The following SYNPR variants were observed in gnomAD, a reference collection of about 807,000 sequenced individuals.
The protein encoded by SYNPR is synaptoporin.
In SYNPR, 23 loss-of-function variants were observed where a neutral mutation model predicts 32.9. The observed-to-expected ratio is 0.70, with a 90% CI of 0.50 to 0.99. The LOEUF (loss-of-function observed/expected upper bound fraction) is 0.99. Among genes scored for constraint, SYNPR ranks in the 50% least tolerant of loss-of-function variants. The probability of loss-of-function intolerance (pLI) is 0.00; values close to 1 mark genes in which losing one functional copy is unlikely to be tolerated. For synonymous variants in SYNPR, 146 were observed against 135.9 expected (o/e 1.07, Z -0.52); for missense variants, 318 against 349.3 (o/e 0.91, Z 0.71).
At chr3:63,535,651 G>T (rs544196522) in intron 3 of SYNPR, among the ~76,000 whole-genome samples, 22 of 150,834 alleles carry the variant, frequency 1.5e-4, no homozygotes, top group South Asian at 8.4e-4. Context: ...AATGATTTTT[G>T]ATAAGAGTAC....
chr3:63,218,511 G>T, the SYNPR span, among the ~76,000 whole-genome samples: 573 of 152,272 alleles, frequency 3.8e-3, 3 homozygotes, highest in African/African-American at 0.013. Context: ...AGTTAGAATT[G>T]AAATCCAATC....
chr3:63,490,513 G>A (rs1329118671), intron 3 of SYNPR, among the ~76,000 whole-genome samples: 11 of 152,078 alleles, frequency 7.2e-5, no homozygotes, highest in Admixed American at 6.5e-4. Context: ...AAAGATGGTG[G>A]TGGGTTGGCC....
rs2088335227 is a variant in SYNPR at position 63,404,600 on chromosome 3, G to A, written c.85-76232G>A. The stretch of plus-strand genomic sequence containing the variant: ...CATTTCAATGAAATTTTAATTACAT[G>A]CTTTTTATTCACTACAGAGACCCCT... On this transcript the variant is annotated intron_variant, in intron 2 of 5. Coordinates refer to ENST00000478300, the MANE Select transcript of SYNPR (RefSeq NM_001130003.2). Among the ~76,000 whole-genome samples, 4 of 152,076 alleles carry A rather than the reference G, an allele frequency of 2.6e-5. No individual in the cohort carries two copies. The South Asian group carries it at 8.3e-4, about 32-fold the overall frequency.
chr3:63,510,915 C>CTGTGTGTGTGTGTGTGTGTGTG (rs755622968), intron 3 of SYNPR, among the ~76,000 whole-genome samples: 1,831 of 149,138 alleles, frequency 0.012, 30 homozygotes, highest in East Asian at 0.044. Context: ...AAAGGTACAA[C>CTGTGTGTGTGTGTGTGTGTGTG]TGTGTGTGTG....
At chr3:63,314,902 A>G (rs948642151) in intron 2 of SYNPR, among the ~76,000 whole-genome samples, 1 of 151,880 alleles carries the variant, frequency 6.6e-6, no homozygotes, top group Admixed American at 6.6e-5. Flanking sequence ...GCTTGAGTTG[A>G]TTTTTTTATA....
intron 4 of SYNPR, among the ~76,000 whole-genome samples, chr3:63,580,014 A>G (rs949918525): frequency 6.6e-6 from 1 of 152,176 alleles, no homozygotes; most frequent in African/African-American, 2.4e-5. Flanking sequence ...TAGCCATTAT[A>G]TGACCCAATT....
At chr3:63,240,648 T>C (rs1398220183) in intron 1 of SYNPR, among the ~76,000 whole-genome samples, 1 of 152,154 alleles carries the variant, frequency 6.6e-6, no homozygotes, top group Admixed American at 6.6e-5. Context: ...ACTCATAACA[T>C]GCACTGTGAA....
chr3:63,286,841 A>G (rs1259780095), intron 2 of SYNPR, among the ~76,000 whole-genome samples: 1 of 152,212 alleles, frequency 6.6e-6, no homozygotes, highest in Non-Finnish European at 1.5e-5. Context: ...CAAGCATGAA[A>G]AAGTGTTTAG....
chr3:63,426,285 C>T (rs1404738682), intron 2 of SYNPR, among the ~76,000 whole-genome samples: 3 of 152,180 alleles, frequency 2.0e-5, no homozygotes, highest in East Asian at 3.9e-4. Context: ...CCACAAATTA[C>T]TTTCACTAAT....
At chr3:63,359,884 A>G (rs995176139) in intron 2 of SYNPR, among the ~76,000 whole-genome samples, 3 of 152,208 alleles carry the variant, frequency 2.0e-5, no homozygotes, top group African/African-American at 7.2e-5. Context: ...GTAAGAATTT[A>G]TTTGAAGTTA....
intron 3 of SYNPR, among the ~76,000 whole-genome samples, chr3:63,540,774 AGAG>A (rs1466933619): frequency 1.3e-5 from 2 of 151,960 alleles, no homozygotes; most frequent in African/African-American, 4.8e-5. Context: ...ATGATTTGCT[AGAG>A]GAGAGACACA....
chr3:63,254,793 T>G (rs2086367931), intron 2 of SYNPR, among the ~76,000 whole-genome samples: 2 of 152,144 alleles, frequency 1.3e-5, no homozygotes, highest in African/African-American at 2.4e-5. Flanking sequence ...AAAGAGGTAA[T>G]TAAGTTATGT....
intron 1 of SYNPR, among the ~76,000 whole-genome samples, chr3:63,241,811 G>T (rs957545464): frequency 1.3e-5 from 2 of 151,886 alleles, no homozygotes; most frequent in African/African-American, 4.8e-5. Flanking sequence ...AATTTTAGTT[G>T]GGTTTTTTGT....
chr3:63,549,784 C>G (rs1702470033), intron 3 of SYNPR, among the ~76,000 whole-genome samples: 2 of 152,076 alleles, frequency 1.3e-5, no homozygotes, highest in South Asian at 4.1e-4. Flanking sequence ...ATTGAAGCAT[C>G]AGTGAAATGT....
At chr3:63,444,925 C>G (rs1700245973) in intron 2 of SYNPR, among the ~76,000 whole-genome samples, 1 of 149,850 alleles carries the variant, frequency 6.7e-6, no homozygotes, top group African/African-American at 2.5e-5. Flanking sequence ...TAGCTGGAGC[C>G]AAGTGTATCT....
intron 1 of SYNPR, among the ~76,000 whole-genome samples, chr3:63,245,020 C>G (rs1240441563): frequency 1.3e-5 from 2 of 152,080 alleles, no homozygotes; most frequent in African/African-American, 2.4e-5. Context: ...ACATTTTAAA[C>G]ATAAAAGAAA....
At chr3:63,292,494 T>A (rs1288311931) in intron 2 of SYNPR, among the ~76,000 whole-genome samples, 1 of 152,204 alleles carries the variant, frequency 6.6e-6, no homozygotes, top group African/African-American at 2.4e-5. Context: ...GAAAAAATAC[T>A]TGGATTTGAC....
At chr3:63,413,642 T>G (rs1276730675) in intron 2 of SYNPR, among the ~76,000 whole-genome samples, 1 of 152,162 alleles carries the variant, frequency 6.6e-6, no homozygotes, top group Non-Finnish European at 1.5e-5. Context: ...AAGCTAGAAC[T>G]TTAAATAGCA....
At chr3:63,322,702 G>A (rs953172505) in intron 2 of SYNPR, among the ~76,000 whole-genome samples, 9 of 151,966 alleles carry the variant, frequency 5.9e-5, no homozygotes, top group African/African-American at 1.9e-4. Flanking sequence ...ACAATCATTC[G>A]ACCTTCCAGT....
Sources: gnomAD v4.1 joint callset for allele counts (sites outside exome capture counted in the v4.1 genomes callset) on GRCh38, gnomAD v4.1.1 for gene constraint, MANE v1.5 for transcripts, NCBI Gene and HGNC (gene_info 2026-07-23, HGNC 2026-07-21) for gene names.